The following KCNT2 variants were observed in gnomAD, a reference collection of about 807,000 sequenced individuals.
KCNT2 encodes potassium channel subfamily T member 2.
A neutral mutation model predicts 153.8 loss-of-function variants in KCNT2; 67 were observed. The ratio of observed to expected loss-of-function variants is 0.44; its 90% CI spans 0.36 to 0.53. KCNT2 has a LOEUF of 0.53. Ranked by LOEUF, KCNT2 falls within the 20% of genes least tolerant of loss-of-function variation. KCNT2 has a pLI of 0.00. For missense variants in KCNT2, 975 were observed against 1,354.8 expected, an observed-to-expected ratio of 0.72 and a Z score of 4.40; for synonymous variants, 500 against 458.8, an observed-to-expected ratio of 1.09 and a Z score of -1.15.
At chr1:196,327,918 C>T (rs7554401) in intron 18 of KCNT2, among the ~76,000 whole-genome samples, 20,873 of 151,544 alleles carry the variant, frequency 0.14, 2,463 homozygotes, top group African/African-American at 0.32. Flanking sequence ...ATTACAGGCA[C>T]GAGCCACCAT....
chr1:196,323,269 T>C (rs1663512705), intron 19 of KCNT2, among the ~76,000 whole-genome samples: 1 of 151,962 alleles, frequency 6.6e-6, no homozygotes, highest in Non-Finnish European at 1.5e-5. Flanking sequence ...ATTTAATGAA[T>C]GGATAGTGTG....
At chr1:196,331,131 C>CA in intron 18 of KCNT2, 25 bp downstream of exon 18, 1 of 1,223,712 alleles carries the variant, frequency 8.2e-7, no homozygotes, top group Non-Finnish European at 1.2e-6. Context: ...ATTTTGTAAA[C>CA]AAAAAAGCAT....
intron 27 of KCNT2, among the ~76,000 whole-genome samples, chr1:196,232,201 G>T (rs899398828): frequency 6.6e-6 from 1 of 151,654 alleles, no homozygotes; most frequent in Non-Finnish European, 1.5e-5. Context: ...AATATCAATA[G>T]CATTGTGGAT....
intron 22 of KCNT2, among the ~76,000 whole-genome samples, chr1:196,298,040 C>T (rs1660835566): frequency 6.6e-6 from 1 of 152,098 alleles, no homozygotes; most frequent in Non-Finnish European, 1.5e-5. Context: ...GAAAAAATGA[C>T]ATTTTTACCA....
At chr1:196,428,370 T>A in intron 9 of KCNT2, 101 bp from the exon 10 acceptor site, 1 of 769,170 alleles carries the variant, frequency 1.3e-6, no homozygotes, top group Non-Finnish European at 2.1e-6. Context: ...ATTTCCTAGA[T>A]GGAACTCATT....
At chr1:196,305,210 T>A (rs771594272) in intron 22 of KCNT2, 24 bp downstream of exon 22, 34 of 1,277,406 alleles carry the variant, frequency 2.7e-5, no homozygotes, top group Non-Finnish European at 3.9e-5. Flanking sequence ...TAAATCTAAT[T>A]TACTTGATAA....
chr1:196,326,833 T>C lies in KCNT2; in HGVS notation c.2160A>G (p.Leu720=), dbSNP rs566329093. ...CAGCTGTTTCAGCTGCAACTATAATTAGTTTATTTTTGAATCCATAGGCTT... is the reference window on the plus strand; with the variant it reads ...CAGCTGTTTCAGCTGCAACTATAATCAGTTTATTTTTGAATCCATAGGCTT... The part of the protein sequence containing the change: ...DAKAYGFKNK[L]IIVAAETAGN... Residue 720 remains leucine, a synonymous_variant, in exon 19 of 28, where the codon CTA becomes CTG. Transcript: ENST00000294725. The C allele has an allele frequency of 3.8e-6, 6 of 1,587,574 alleles. No individual in the cohort carries two copies. In the African/African-American group the frequency reaches 6.8e-5, roughly 18 times the overall value.
intron 26 of KCNT2, among the ~76,000 whole-genome samples, chr1:196,244,495 G>A (rs1477013856): frequency 1.3e-5 from 2 of 152,024 alleles, no homozygotes; most frequent in Non-Finnish European, 2.9e-5. Flanking sequence ...TTTCCTGCCT[G>A]GCAACATTCA....
chr1:196,298,291 A>G (rs1159374335), intron 22 of KCNT2, among the ~76,000 whole-genome samples: 6 of 152,222 alleles, frequency 3.9e-5, no homozygotes, highest in Non-Finnish European at 8.8e-5. Flanking sequence ...AACACCAGCC[A>G]TAAGTCCTAG....
chr1:196,608,117 C>T (rs1450996141), intron 1 of KCNT2, 98 bp downstream of exon 1: 1 of 1,047,548 alleles, frequency 9.5e-7, no homozygotes, highest in East Asian at 2.4e-5. Context: ...CTCTCTGGCT[C>T]CGTTTTCCTT....
chr1:196,464,302 G>A (rs1356783612), intron 8 of KCNT2, among the ~76,000 whole-genome samples: 2 of 151,782 alleles, frequency 1.3e-5, no homozygotes, highest in East Asian at 1.9e-4. Flanking sequence ...CGATCTTAGA[G>A]GTTATTTTAT....
chr1:196,529,086 T>G (rs545048756), intron 1 of KCNT2, among the ~76,000 whole-genome samples: 6 of 152,232 alleles, frequency 3.9e-5, no homozygotes, highest in African/African-American at 1.4e-4. Flanking sequence ...ATGAGAGCAA[T>G]GTAACGGCTT....
intron 1 of KCNT2, among the ~76,000 whole-genome samples, chr1:196,580,276 A>G (rs1037411818): frequency 6.6e-6 from 1 of 152,194 alleles, no homozygotes; most frequent in African/African-American, 2.4e-5. Context: ...CAGAGAAAAA[A>G]GTGATAAACA....
chr1:196,534,944 A>G (rs1257350472), intron 1 of KCNT2, among the ~76,000 whole-genome samples: 3 of 152,204 alleles, frequency 2.0e-5, no homozygotes. Flanking sequence ...GGACTGCATA[A>G]TAACTACCCT....
intron 13 of KCNT2, among the ~76,000 whole-genome samples, chr1:196,393,316 G>GA (rs2148419668): frequency 6.6e-6 from 1 of 151,578 alleles, no homozygotes; most frequent in African/African-American, 2.4e-5. Context: ...GAAGCTAAGA[G>GA]AACTGAATAT....
At chr1:196,334,157 AAT>A (rs200438575) in intron 16 of KCNT2, 97 bp from the exon 17 acceptor site, 9,992 of 686,772 alleles carry the variant, frequency 0.015, 109 homozygotes, top group Non-Finnish European at 0.02. Flanking sequence ...AAACACAATA[AAT>A]ATATATATAG....
At chr1:196,429,849 T>G (rs1311474109) in intron 8 of KCNT2, 92 bp from the exon 9 acceptor site, 10 of 781,892 alleles carry the variant, frequency 1.3e-5, no homozygotes, top group Non-Finnish European at 2.0e-5. Context: ...GCACATTTCA[T>G]AAAGCCATTT....
chr1:196,307,443 T>C (rs577347139), intron 21 of KCNT2, among the ~76,000 whole-genome samples: 2 of 152,240 alleles, frequency 1.3e-5, no homozygotes, highest in South Asian at 4.1e-4. Context: ...GCCCAGTATC[T>C]GATTTATTGA....
At chr1:196,534,520 A>C (rs1655314916) in intron 1 of KCNT2, among the ~76,000 whole-genome samples, 1 of 152,182 alleles carries the variant, frequency 6.6e-6, no homozygotes, top group Non-Finnish European at 1.5e-5. Context: ...CAGATGAAGA[A>C]TAAGAAGAAA....
Sources: gnomAD v4.1 joint callset for allele counts (sites outside exome capture counted in the v4.1 genomes callset) on GRCh38, gnomAD v4.1.1 for gene constraint, MANE v1.5 for transcripts, NCBI Gene and HGNC (gene_info 2026-07-23, HGNC 2026-07-21) for gene names.